PCDH11X: variants seen among roughly 807,000 people sequenced by gnomAD.
The protein encoded by PCDH11X is protocadherin 11 X-linked.
In PCDH11X, 18 loss-of-function variants were observed where a neutral mutation model predicts 53.3. The ratio of observed to expected loss-of-function variants is 0.34; its 90% CI spans 0.23 to 0.50. The LOEUF (loss-of-function observed/expected upper bound fraction) is 0.50, where lower values mean the gene tolerates loss of function less well. Ranked by LOEUF, PCDH11X falls within the 20% of genes least tolerant of loss-of-function variation. The pLI, the probability that PCDH11X is intolerant of heterozygous loss-of-function variation, is 0.98. For synonymous variants in PCDH11X, 279 were observed against 393.3 expected (o/e 0.71, Z 3.44); for missense variants, 570 against 1,032.4 (o/e 0.55, Z 6.14).
At position 92,092,711 on chromosome X, in the gene PCDH11X, C is replaced by T. The variant is rs34010119; in HGVS notation, c.3034-108664C>T. Among the ~76,000 whole-genome samples, 5 of 111,663 alleles carry T rather than the reference C, an allele frequency of 4.5e-5. No individual in the cohort carries two copies. In the East Asian group the frequency reaches 1.4e-3, roughly 32 times the overall value. The stretch of plus-strand genomic sequence containing the variant: ...GTCTCAATGAGCTAAGGGGTATCTT[C>T]GAACAGGAGGCAGATTTGCCCTAAG... On this transcript the variant is annotated intron_variant, in intron 6 of 10. Transcript: ENST00000682573.
At chrX:91,800,855 A>G (rs1015657314) in intron 1 of PCDH11X, among the ~76,000 whole-genome samples, 9 of 108,522 alleles carry the variant, frequency 8.3e-5, no homozygotes, top group African/African-American at 3.0e-4. Context: ...AAAGTTATTC[A>G]TTTTTACTTA....
rs193012227 is a variant in PCDH11X, at chrX:92,207,526, C to T, written c.3114+6071C>T. Among the ~76,000 whole-genome samples, 20 of 111,255 alleles carry T rather than the reference C, an allele frequency of 1.8e-4. No individual in the cohort carries two copies. In the East Asian group the frequency reaches 5.4e-3, roughly 30 times the overall value. On this transcript the variant is annotated intron_variant, in intron 7 of 10. Transcript: ENST00000682573. Reference sequence around the variant, plus strand: ...TCTATGACATTGAATGGCAATTGCCCTGCTTGTAAAAAAATTATTCTACTA... The same window carrying T: ...TCTATGACATTGAATGGCAATTGCCTTGCTTGTAAAAAAATTATTCTACTA...
intron 10 of PCDH11X, among the ~76,000 whole-genome samples, chrX:92,554,266 G>A (rs2075011451): frequency 1.0e-5 from 1 of 97,978 alleles, no homozygotes; most frequent in Non-Finnish European, 2.1e-5. Context: ...AGCAAGAAGA[G>A]GAAATGCCAC....
chrX:91,842,179 A>G (rs1413666331), intron 5 of PCDH11X, among the ~76,000 whole-genome samples: 1 of 109,918 alleles, frequency 9.1e-6, no homozygotes, highest in Non-Finnish European at 1.9e-5. Context: ...AAACTAATCA[A>G]GAATGAATAA....
chrX:91,924,593 A>T (rs377235992), intron 6 of PCDH11X, among the ~76,000 whole-genome samples: 1 of 112,112 alleles, frequency 8.9e-6, no homozygotes, highest in East Asian at 2.8e-4. Context: ...TGTTAAATCA[A>T]GCCATATGCA....
chrX:92,234,247 C>T (rs769676962), intron 7 of PCDH11X, among the ~76,000 whole-genome samples: 1 of 111,811 alleles, frequency 8.9e-6, no homozygotes, highest in South Asian at 3.7e-4. Context: ...TAAAAGTTAT[C>T]TACAAGAAGA....
intron 6 of PCDH11X, among the ~76,000 whole-genome samples, chrX:91,970,879 C>A (rs1471874101): frequency 1.8e-5 from 2 of 111,680 alleles, no homozygotes; most frequent in Non-Finnish European, 3.8e-5. Flanking sequence ...CATAAGCTTT[C>A]AATGATTGTT....
chrX:91,983,548 G>A (rs2062178499), intron 6 of PCDH11X: 1 of 479,756 alleles, frequency 2.1e-6, no homozygotes, highest in Admixed American at 2.8e-5. Context: ...AGGCGGCTAT[G>A]GCCGGGGCTG....
intron 5 of PCDH11X, among the ~76,000 whole-genome samples, chrX:91,868,058 A>G (rs1939087831): frequency 9.0e-6 from 1 of 111,094 alleles, no homozygotes; most frequent in South Asian, 3.8e-4. Flanking sequence ...TCATTCATAT[A>G]TGTGTCCAAT....
intron 10 of PCDH11X, among the ~76,000 whole-genome samples, chrX:92,534,555 C>T (rs1381451616): frequency 2.7e-5 from 3 of 111,179 alleles, no homozygotes; most frequent in African/African-American, 9.8e-5. Flanking sequence ...ATACAGAGAA[C>T]ACCACAAAGA....
chrX:91,824,428 T>C (rs1306606814), intron 4 of PCDH11X, among the ~76,000 whole-genome samples: 1 of 110,987 alleles, frequency 9.0e-6, no homozygotes, highest in Non-Finnish European at 1.9e-5. Flanking sequence ...ATTCATTTCA[T>C]CTTCCATCGC....
In PCDH11X at chrX:92,113,076, C is replaced by T. The variant is rs993934683; in HGVS notation, c.3034-88299C>T. On this transcript the variant is annotated intron_variant, in intron 6 of 10. Coordinates refer to ENST00000682573, the MANE Select transcript of PCDH11X (RefSeq NM_032968.5). ...CAGTACTTCTACTTTAACCATAATACCTACCTTTTTATCTATTTTTTTTTT... is the reference window on the plus strand; with the variant it reads ...CAGTACTTCTACTTTAACCATAATATCTACCTTTTTATCTATTTTTTTTTT... Among the ~76,000 whole-genome samples the T allele has an allele frequency of 1.9e-5, 2 of 105,947 alleles. 1 individual carries two copies. Among genetic ancestry groups the T allele is most frequent in the African/African-American group, 7.4e-5 (2 of 27,176 alleles). 92.0% of individuals were successfully genotyped at this position (105,947 alleles called of 115,157 possible). A position where few individuals can be genotyped will look rare whatever the true frequency, so the allele number is the denominator to read the frequency against.
At chrX:92,544,720 C>A (rs1016485663) in intron 10 of PCDH11X, among the ~76,000 whole-genome samples, 31 of 109,593 alleles carry the variant, frequency 2.8e-4, no homozygotes, top group African/African-American at 9.6e-4. Context: ...ATCAGATATT[C>A]TCAGGCTCAC....
chrX:92,386,661 G>A (rs1181983973), intron 8 of PCDH11X, among the ~76,000 whole-genome samples: 1 of 109,138 alleles, frequency 9.2e-6, no homozygotes, highest in Non-Finnish European at 1.9e-5. Context: ...GATTCTTCAT[G>A]TACATATCCG....
intron 8 of PCDH11X, among the ~76,000 whole-genome samples, chrX:92,360,941 C>A (rs983734762): frequency 3.3e-5 from 2 of 60,499 alleles, no homozygotes; most frequent in African/African-American, 1.2e-4. Flanking sequence ...GGGCTCTTGG[C>A]ACCTCTGGGC....
chrX:92,443,373 G>A (rs9699359), intron 9 of PCDH11X, among the ~76,000 whole-genome samples: 2,544 of 110,841 alleles, frequency 0.023, 60 homozygotes, highest in African/African-American at 0.064. Context: ...TGATTTGTTT[G>A]ACTTTCTTAT....
At chrX:92,138,377 C>T (rs1464848018) in intron 6 of PCDH11X, among the ~76,000 whole-genome samples, 2 of 110,319 alleles carry the variant, frequency 1.8e-5, no homozygotes, top group Non-Finnish European at 3.8e-5. Context: ...CAGTTTTACT[C>T]TAGCATCAGA....
intron 6 of PCDH11X, chrX:92,114,290 T>C: frequency 1.2e-6 from 1 of 869,205 alleles, no homozygotes; most frequent in East Asian, 3.1e-5. Flanking sequence ...TGCTGCTGGA[T>C]GGCAGAGGGC....
At chrX:92,260,829 G>A (rs2067700328) in intron 7 of PCDH11X, among the ~76,000 whole-genome samples, 1 of 111,653 alleles carries the variant, frequency 9.0e-6, no homozygotes, top group African/African-American at 3.3e-5. Context: ...ATTCACACCA[G>A]GAGGTAAATA....
Sources: allele counts gnomAD v4.1 joint callset (sites outside exome capture counted in the v4.1 genomes callset), GRCh38; gene constraint gnomAD v4.1.1; transcripts MANE v1.5; gene names NCBI Gene and HGNC (gene_info 2026-07-23, HGNC 2026-07-21).